The following EHD4 variants were observed in gnomAD, a reference collection of about 807,000 sequenced individuals.
The protein encoded by EHD4 is EH domain containing 4, also known as EH domain-containing protein 4.
A neutral mutation model predicts 51.0 loss-of-function variants in EHD4; 37 were observed. The observed-to-expected ratio is 0.73, with a 90% confidence interval of 0.56 to 0.95. The LOEUF is 0.95. Among genes scored for constraint, EHD4 ranks in the 40% least tolerant of loss-of-function variants. EHD4 has a pLI of 0.00. For synonymous variants in EHD4, 297 were observed against 317.3 expected, an observed-to-expected ratio of 0.94 and a Z score of 0.68; for missense variants, 632 against 733.1, an observed-to-expected ratio of 0.86 and a Z score of 1.59.
rs1168501155 is a variant in EHD4 at position 41,949,051 on chromosome 15, T to TACAC, written c.413+4709_413+4712dup. The stretch of plus-strand genomic sequence containing the variant: ...ATATATATATATATATATATATATA[T>TACAC]ACACACATACACACACACATACATA... On this transcript the variant is annotated intron_variant, in intron 2 of 5. Transcript: ENST00000220325. Among the ~76,000 whole-genome samples the TACAC allele has an allele frequency of 1.7e-3, 189 of 109,200 alleles. 1 individual carries two copies. The highest frequency in any genetic ancestry group is 5.3e-3 in the African/African-American group (144 of 26,980). 71.6% of individuals were successfully genotyped at this position (109,200 alleles called of 152,430 possible).
At position 41,972,318 on chromosome 15, in the gene EHD4, C is replaced by A. The variant is rs1255147488; in HGVS notation, c.177G>T (p.Glu59Asp). The change falls in exon 1 of 6, where the codon GAG becomes GAT. Residue 59 changes from glutamate (E) to aspartate (D), a missense_variant. Coordinates refer to ENST00000220325, the MANE Select transcript of EHD4 (RefSeq NM_139265.4). Reference sequence around the variant, plus strand: ...CCACCAGCAGGATCATGGGCTTGTTCTCGAAGTCGGCGTCCTCCAGCGCAG... The same window carrying A: ...CCACCAGCAGGATCATGGGCTTGTTATCGAAGTCGGCGTCCTCCAGCGCAG... Reference protein sequence around the residue: ...HSPALEDADFENKPMILLVGQ... With the variant: ...HSPALEDADFDNKPMILLVGQ... 17 of 1,611,204 alleles carry A rather than the reference C, an allele frequency of 1.1e-5. No homozygotes were observed. The highest frequency in any genetic ancestry group is 6.7e-5 in the African/African-American group (5 of 74,492).
At position 41,899,334 on chromosome 15, in the gene EHD4, G is replaced by C. The variant is rs1394613449; in HGVS notation, c.*1311C>G. The C allele has an allele frequency of 2.0e-5, 3 of 152,220 alleles. No homozygotes were observed. The highest frequency in any genetic ancestry group is 7.2e-5 in the African/African-American group (3 of 41,462). 9.4% of individuals were successfully genotyped at this position (152,220 alleles called of 1,614,324 possible). A position where few individuals can be genotyped will look rare whatever the true frequency, so the allele number is the denominator to read the frequency against. On this transcript the variant is annotated 3_prime_UTR_variant, in exon 6 of 6. Transcript: ENST00000220325. ...GCAGGTGTCTGAGCAGCAGTCCAGA[G>C]AGGTTTACTCAGGGGATTTGGGGAG...
rs534929672 is a variant in EHD4, at chr15:41,909,112, C to T, written c.1089+587G>A. 2.0e-5 allele frequency among the ~76,000 whole-genome samples: 3 copies of T among 152,344 alleles called. No homozygotes were observed. The South Asian group carries it at 6.2e-4, about 32-fold the overall frequency. ...GTCAGGGCAGGACGGCTGAATGCAG[C>T]ACCCATTGTTGCCTGGCTGGAGCTG... On this transcript the variant is annotated intron_variant, in intron 5 of 5. Transcript: ENST00000220325.
At chr15:41,918,095 T>G (rs1263338123) in intron 4 of EHD4, among the ~76,000 whole-genome samples, 1 of 152,094 alleles carries the variant, frequency 6.6e-6, no homozygotes, top group Non-Finnish European at 1.5e-5. Flanking sequence ...TGTCCCCACC[T>G]TGGCTGTCCC....
At position 41,943,131 on chromosome 15, in the gene EHD4, C is replaced by T. The variant is rs1185884996; in HGVS notation, c.447G>A (p.Leu149=). 6.3e-7 allele frequency: 1 copy of T among 1,594,422 alleles called. No individual in the cohort carries two copies. The highest frequency in any genetic ancestry group is 8.5e-7 in the Non-Finnish European group (1 of 1,170,538). Residue 149 remains leucine (L), a synonymous_variant, in exon 3 of 6, where the codon CTG becomes CTA. Coordinates refer to ENST00000220325, the MANE Select transcript of EHD4 (RefSeq NM_139265.4). ...GGCTGTCGATGACGCTGATGCTCTTCAGGACCTGATTGGGGAGCTGTGAGC... is the reference window on the plus strand; with the variant it reads ...GGCTGTCGATGACGCTGATGCTCTTTAGGACCTGATTGGGGAGCTGTGAGC... ...FMCSQLPNQV[L]KSISVIDSPG...
chr15:41,903,135 T>C (rs1191322414), intron 5 of EHD4, among the ~76,000 whole-genome samples: 1 of 151,954 alleles, frequency 6.6e-6, no homozygotes, highest in Non-Finnish European at 1.5e-5. Flanking sequence ...AGGTTTTATA[T>C]GTGAAGTATT....
chr15:41,918,767 C>A (rs929850722), intron 4 of EHD4, among the ~76,000 whole-genome samples: 2 of 152,240 alleles, frequency 1.3e-5, no homozygotes, highest in Non-Finnish European at 2.9e-5. Context: ...CTTTGGTGCA[C>A]GGGGACTAGC....
rs534065535 is a variant in EHD4, at chr15:41,932,784, G to A, written c.511+10283C>T. Reference sequence around the variant, plus strand: ...CTACGGTCAGGCCCAAATACTTCACGCACCCTCACCGCCCCTGCTTTGGAT... The same window carrying A: ...CTACGGTCAGGCCCAAATACTTCACACACCCTCACCGCCCCTGCTTTGGAT... On this transcript the variant is annotated intron_variant, in intron 3 of 5. Transcript: ENST00000220325. Among the ~76,000 whole-genome samples, 6 of 152,060 alleles carry A rather than the reference G, an allele frequency of 3.9e-5. No homozygotes were observed. The South Asian group carries it at 1.2e-3, about 32-fold the overall frequency.
intron 3 of EHD4, among the ~76,000 whole-genome samples, chr15:41,926,974 T>C (rs1225595306): frequency 1.3e-5 from 2 of 152,210 alleles, no homozygotes; most frequent in Non-Finnish European, 2.9e-5. Flanking sequence ...ATGGGGTCTG[T>C]AGCAGCCTGA....
At chr15:41,960,279 T>C (rs1190309798) in intron 1 of EHD4, among the ~76,000 whole-genome samples, 1 of 152,238 alleles carries the variant, frequency 6.6e-6, no homozygotes, top group Non-Finnish European at 1.5e-5. Context: ...TATGCCAAGT[T>C]AAATAGCTTA....
chr15:41,962,974 T>C (rs2067935706), intron 1 of EHD4, among the ~76,000 whole-genome samples: 1 of 152,258 alleles, frequency 6.6e-6, no homozygotes, highest in Non-Finnish European at 1.5e-5. Context: ...CTTGGGATGC[T>C]GTTAATCTAT....
chr15:41,904,863 A>G (rs1019196892), intron 5 of EHD4, among the ~76,000 whole-genome samples: 1 of 152,222 alleles, frequency 6.6e-6, no homozygotes, highest in African/African-American at 2.4e-5. Context: ...AGAGCGTGCC[A>G]GGCACGCACA....
chr15:41,961,965 G>C (rs1294063060), intron 1 of EHD4, among the ~76,000 whole-genome samples: 2 of 152,076 alleles, frequency 1.3e-5, no homozygotes, highest in Non-Finnish European at 2.9e-5. Flanking sequence ...AAACAAAAAT[G>C]TACAACTCAG....
intron 3 of EHD4, among the ~76,000 whole-genome samples, chr15:41,924,720 C>T (rs551611961): frequency 6.6e-6 from 1 of 152,022 alleles, no homozygotes. Flanking sequence ...TTGATGATGG[C>T]CATAGTCACA....
In EHD4 at chr15:41,970,455, G is replaced by A. The variant is rs773861787; in HGVS notation, c.236+1804C>T. 3.9e-5 allele frequency among the ~76,000 whole-genome samples: 6 copies of A among 152,336 alleles called. 1 individual carries two copies. Among genetic ancestry groups the A allele is most frequent in the East Asian group, 1.9e-4 (1 of 5,192 alleles). ...ATCTCAGAACCCTTCATAAAACTGC[G>A]CTTAGCTATTCCACAAATTTCTCCA... On this transcript the variant is annotated intron_variant, in intron 1 of 5. Transcript: ENST00000220325.
chr15:41,900,662 G>A lies in EHD4; in HGVS notation c.1609C>T (p.Leu537=). Reference sequence around the variant, plus strand: ...CCCACCCCTCAGTCGGCCTTGGGCAGGGACTTCCTGTGCGAGGGGGGCACG... The same window carrying A: ...CCCACCCCTCAGTCGGCCTTGGGCAAGGACTTCCTGTGCGAGGGGGGCACG... ...HLVPPSHRKS[L]PKAD is the part of the protein sequence containing the mutation. The change falls in exon 6 of 6, where the codon CTG becomes TTG. Residue 537 remains leucine (L), a synonymous_variant. Coordinates refer to ENST00000220325, the MANE Select transcript of EHD4 (RefSeq NM_139265.4). The surrounding 1 kb of genome is among the most constrained non-coding windows in gnomAD (Gnocchi z 4.8). 6.3e-7 allele frequency: 1 copy of A among 1,596,600 alleles called. No individual in the cohort carries two copies. The highest frequency in any genetic ancestry group is 1.1e-5 in the South Asian group (1 of 90,774).
At chr15:41,946,062 C>T (rs1363236674) in intron 2 of EHD4, among the ~76,000 whole-genome samples, 1 of 152,194 alleles carries the variant, frequency 6.6e-6, no homozygotes, top group Non-Finnish European at 1.5e-5. Flanking sequence ...AGTAAGGGGG[C>T]CCTGGCCGGC....
At chr15:41,915,329 T>C (rs2555557) in intron 4 of EHD4, among the ~76,000 whole-genome samples, 152,343 of 152,350 alleles carry the variant, frequency 1, 76,168 homozygotes, top group Middle Eastern at 1. Context: ...CTGCCCGCCT[T>C]GGTTTCCTGA....
chr15:41,948,687 A>C (rs1329962814), intron 2 of EHD4, among the ~76,000 whole-genome samples: 1 of 152,166 alleles, frequency 6.6e-6, no homozygotes, highest in Non-Finnish European at 1.5e-5. Context: ...TGTGAACTTT[A>C]GTAAGTCAGT....
Sources: gnomAD v4.1 joint callset for allele counts (sites outside exome capture counted in the v4.1 genomes callset) on GRCh38, gnomAD v4.1.1 for gene constraint, Gnocchi (gnomAD v3.1) non-coding constraint, MANE v1.5 for transcripts, NCBI Gene and HGNC (gene_info 2026-07-23, HGNC 2026-07-21) for gene names.